Variants in CTSB observed in about 807,000 individuals in gnomAD.
CTSB encodes the protein APP secretase.
Under a neutral mutation model 44.3 loss-of-function variants are expected in CTSB, and 57 were observed. The observed-to-expected ratio is 1.29, with a 90% CI of 1.04 to 1.60. The LOEUF (loss-of-function observed/expected upper bound fraction) is 1.60. Ranked by LOEUF, CTSB falls within the 40% of genes most tolerant of loss-of-function variation. The pLI is 0.00. For missense variants in CTSB, 768 were observed against 443.0 expected (o/e 1.73, Z -6.59); for synonymous variants, 320 against 168.0 (o/e 1.91, Z -7.00).
At chr8:11,865,704 T>C (rs889422481) in intron 1 of CTSB, 59 of 151,276 alleles carry the variant, frequency 3.9e-4, no homozygotes, top group African/African-American at 1.4e-3. Flanking sequence ...CACAACTCAT[T>C]ACCAGATTTA....
chr8:11,860,122 A>G (rs115991195), intron 1 of CTSB, among the ~76,000 whole-genome samples: 35 of 152,326 alleles, frequency 2.3e-4, no homozygotes, highest in African/African-American at 8.4e-4. Flanking sequence ...CAGAGCCCTC[A>G]GGTAGACTGC....
chr8:11,849,737 G>T (rs1266230739), intron 4 of CTSB, among the ~76,000 whole-genome samples: 1 of 151,970 alleles, frequency 6.6e-6, no homozygotes, highest in Non-Finnish European at 1.5e-5. Context: ...CCTGCCACCA[G>T]GCCCAGCTAA....
chr8:11,865,120 G>C (rs756092658), intron 1 of CTSB, among the ~76,000 whole-genome samples: 2 of 152,150 alleles, frequency 1.3e-5, no homozygotes, highest in Non-Finnish European at 2.9e-5. Context: ...CAGCACATCT[G>C]TACATGCCTC....
At chr8:11,854,415 C>G (rs538586738) in intron 1 of CTSB, among the ~76,000 whole-genome samples, 1 of 152,140 alleles carries the variant, frequency 6.6e-6, no homozygotes, top group African/African-American at 2.4e-5. Context: ...ACAATTTAAA[C>G]TTCATTGTTG....
rs1374034867 is a variant in CTSB at position 11,843,487 on chromosome 8, A to G, written c.*1638T>C. 6.6e-6 allele frequency: 1 copy of G among 152,212 alleles called. No individual in the cohort carries two copies. Among genetic ancestry groups the G allele is most frequent in the African/African-American group, 2.4e-5 (1 of 41,428 alleles). 9.4% of individuals were successfully genotyped at this position (152,212 alleles called of 1,614,324 possible). On this transcript the variant is annotated 3_prime_UTR_variant, in exon 10 of 10. Transcript: ENST00000353047. ...TGGTTCTTCTAGTTTGCTCTATACC[A>G]AGAACTGCTATAACATGTTTCTAAA... is the stretch of plus-strand genomic sequence containing the variant.
In CTSB at chr8:11,851,272, C is replaced by T. The variant is rs905887028; in HGVS notation, c.213-292G>A. ...TGGCGAGATCTCTGCCCACTGCAAC[C>T]TCTGCCTCCTGAGTTCAATCGATTC... On this transcript the variant is annotated intron_variant, in intron 3 of 9. Coordinates refer to ENST00000353047, the MANE Select transcript of CTSB (RefSeq NM_001908.5). 2.0e-5 allele frequency among the ~76,000 whole-genome samples: 3 copies of T among 152,302 alleles called. No individual in the cohort carries two copies. The East Asian group carries it at 5.8e-4, about 29-fold the overall frequency.
chr8:11,848,885 C>T (rs1200199276), intron 5 of CTSB, among the ~76,000 whole-genome samples, 161 bp downstream of exon 5: 1 of 152,200 alleles, frequency 6.6e-6, no homozygotes, highest in African/African-American at 2.4e-5. Flanking sequence ...TCCCAGGAAG[C>T]AGCAGCCTTG....
Position 11,853,313 on chromosome 8 carries a change from C to A in CTSB, c.126+16G>T, listed in dbSNP as rs1401079545. 1 of 1,612,670 alleles carries A rather than the reference C, an allele frequency of 6.2e-7. No homozygotes were observed. The highest frequency in any genetic ancestry group is 8.5e-7 in the Non-Finnish European group (1 of 1,179,412). ...CCTGGGAGGGGACATACATAGGACG[C>A]AGCCCCACAGCCTACCTGCCACGTG... On this transcript the variant is annotated intron_variant, in intron 2 of 9. Transcript: ENST00000353047.
intron 1 of CTSB, among the ~76,000 whole-genome samples, chr8:11,857,233 G>A (rs1358135986): frequency 6.6e-6 from 1 of 152,180 alleles, no homozygotes; most frequent in East Asian, 1.9e-4. Context: ...GGCCAGGCTG[G>A]TCTTGAACTC....
intron 3 of CTSB, 137 bp downstream of exon 3, chr8:11,852,473 T>C (rs1000808045): frequency 1.9e-6 from 1 of 532,744 alleles, no homozygotes; most frequent in South Asian, 2.9e-5. Context: ...ACAAGTACTG[T>C]ACCTCAAGCG....
At chr8:11,847,277 C>A in intron 7 of CTSB, 109 bp from the exon 8 acceptor site, 1 of 739,274 alleles carries the variant, frequency 1.4e-6, no homozygotes, top group Non-Finnish European at 2.4e-6. Context: ...AAGACTGCAT[C>A]TAAGGGGACT....
intron 1 of CTSB, among the ~76,000 whole-genome samples, chr8:11,859,088 A>T (rs1292692739): frequency 1.3e-5 from 2 of 152,098 alleles, no homozygotes; most frequent in African/African-American, 4.8e-5. Flanking sequence ...GGCAGACCTG[A>T]GTTCCAGTGC....
At chr8:11,856,537 C>A (rs955820577) in intron 1 of CTSB, among the ~76,000 whole-genome samples, 1 of 152,226 alleles carries the variant, frequency 6.6e-6, no homozygotes, top group Admixed American at 6.5e-5. Context: ...CACTTGAACC[C>A]AGGAGGCAGA....
intron 4 of CTSB, chr8:11,849,908 C>G (rs997960365): frequency 1.3e-5 from 2 of 152,124 alleles, no homozygotes; most frequent in Non-Finnish European, 2.9e-5. Context: ...AAAAACACAG[C>G]TCACCCAGAA....
In CTSB at chr8:11,844,940, T is replaced by C. The variant is rs1803350; in HGVS notation, c.*185A>G. Reference sequence around the variant, plus strand: ...TGGCAGCGGTGGCTCACATGGCCTGTCTGCACTGTAACCACAGGCTGGGAT... The same window carrying C: ...TGGCAGCGGTGGCTCACATGGCCTGCCTGCACTGTAACCACAGGCTGGGAT... On this transcript the variant is annotated 3_prime_UTR_variant, in exon 10 of 10. Transcript: ENST00000353047. 13 of 603,054 alleles carry C rather than the reference T, an allele frequency of 2.2e-5. No homozygotes were observed. Among genetic ancestry groups the C allele is most frequent in the Non-Finnish European group, 3.9e-5 (13 of 336,668 alleles). The allele number at this position is 603,054 out of a possible 1,614,324, so 37.4% of individuals were successfully genotyped here. A position where few individuals can be genotyped will look rare whatever the true frequency, so the allele number is the denominator to read the frequency against.
Position 11,847,756 on chromosome 8 carries a change from C to G in CTSB, c.599G>C (p.Gly200Ala). The change falls in exon 7 of 10, where the codon GGG (glycine) becomes GCG (alanine). Residue 200 changes from glycine to alanine, a missense_variant. Coordinates refer to ENST00000353047, the MANE Select transcript of CTSB (RefSeq NM_001908.5). ...HVNGSRPPCTGEGDTPKCSKI... is the reference protein window; with the variant it reads ...HVNGSRPPCTAEGDTPKCSKI... ...GCTACACTTGGGGGTATCTCCCTCC[C>G]CCGTGCATGGGGGCCGGGAGCCGTT... 1 of 1,601,670 alleles carries G rather than the reference C, an allele frequency of 6.2e-7. No homozygotes were observed. Among genetic ancestry groups the G allele is most frequent in the Non-Finnish European group, 8.5e-7 (1 of 1,176,134 alleles).
chr8:11,846,603 G>C lies in CTSB; in HGVS notation c.793+449C>G, dbSNP rs548601218. On this transcript the variant is annotated intron_variant, in intron 8 of 9. Transcript: ENST00000353047. ...CCTGTGTGTTCATCCACTGGTGTGA[G>C]GCACGATCTAGGCCTTTGCAAAGAG... 3.9e-3 allele frequency among the ~76,000 whole-genome samples: 588 copies of C among 152,308 alleles called. 4 individuals carry two copies. Among genetic ancestry groups the C allele is most frequent in the African/African-American group, 0.014 (565 of 41,562 alleles).
At chr8:11,858,197 C>A (rs908418752) in intron 1 of CTSB, among the ~76,000 whole-genome samples, 1 of 152,210 alleles carries the variant, frequency 6.6e-6, no homozygotes, top group Non-Finnish European at 1.5e-5. Context: ...GGGCTCTGTT[C>A]CCTCCCTCTC....
chr8:11,853,202 G>A lies in CTSB; in HGVS notation c.126+127C>T. 2.3e-6 allele frequency: 3 copies of A among 1,328,704 alleles called. No homozygotes were observed. In the South Asian group the frequency reaches 4.1e-5, roughly 18 times the overall value. 82.3% of individuals were successfully genotyped at this position (1,328,704 alleles called of 1,614,324 possible). A position where few individuals can be genotyped will look rare whatever the true frequency, so the allele number is the denominator to read the frequency against. On this transcript the variant is annotated intron_variant, in intron 2 of 9. Transcript: ENST00000353047. Reference sequence around the variant, plus strand: ...AGAGCCGACATGACTCAGGGTCAGGGCCATTTTTCAACAGTCCAGGACAAT... The same window carrying A: ...AGAGCCGACATGACTCAGGGTCAGGACCATTTTTCAACAGTCCAGGACAAT...
Sources: allele counts gnomAD v4.1 joint callset (sites outside exome capture counted in the v4.1 genomes callset), GRCh38; gene constraint gnomAD v4.1.1; transcripts MANE v1.5; gene names NCBI Gene and HGNC (gene_info 2026-07-23, HGNC 2026-07-21).